BTG4: variants seen among roughly 807,000 people sequenced by gnomAD.
BTG4 encodes protein BTG4.
A neutral mutation model predicts 19.3 loss-of-function variants in BTG4; 10 were observed. The observed-to-expected ratio is 0.52, with a 90% CI of 0.32 to 0.88. The LOEUF (loss-of-function observed/expected upper bound fraction) is 0.88, where lower values mean the gene tolerates loss of function less well. Among genes scored for constraint, BTG4 ranks in the 40% least tolerant of loss-of-function variants. The probability of loss-of-function intolerance (pLI) is 0.04; values close to 1 mark genes in which losing one functional copy is unlikely to be tolerated. For missense variants in BTG4, 238 were observed against 281.9 expected, an observed-to-expected ratio of 0.84 and a Z score of 1.11; for synonymous variants, 91 against 95.7, an observed-to-expected ratio of 0.95 and a Z score of 0.29.
chr11:111,513,592 C>T (rs572462681), upstream of BTG4: 6 of 438,756 alleles, frequency 1.4e-5, no homozygotes, highest in African/African-American at 1.2e-4. Context: ...ATGCTGATTT[C>T]ATCCATTGCC....
At chr11:111,413,857 C>A in the BTG4 span, among the ~76,000 whole-genome samples, 3 of 152,232 alleles carry the variant, frequency 2.0e-5, no homozygotes, top group Non-Finnish European at 4.4e-5. Flanking sequence ...CAGAGCCTTC[C>A]GGGAACATGG....
At chr11:111,404,247 C>T in the BTG4 span, among the ~76,000 whole-genome samples, 2 of 152,182 alleles carry the variant, frequency 1.3e-5, no homozygotes, top group African/African-American at 4.8e-5. Context: ...AACTGTGAGT[C>T]CATTAAACCT....
the BTG4 span, among the ~76,000 whole-genome samples, chr11:111,434,424 C>G: frequency 6.6e-6 from 1 of 152,112 alleles, no homozygotes; most frequent in Non-Finnish European, 1.5e-5. Flanking sequence ...GGAGGGATAG[C>G]GTTGGGAGAA....
upstream of BTG4, chr11:111,513,366 C>T (rs1867088554): frequency 1.3e-5 from 7 of 531,558 alleles, no homozygotes; most frequent in Non-Finnish European, 2.7e-5. Flanking sequence ...AGTTGAGCTC[C>T]AACTCAACCA....
At chr11:111,387,945 T>C in the BTG4 span, among the ~76,000 whole-genome samples, 1 of 152,264 alleles carries the variant, frequency 6.6e-6, no homozygotes, top group East Asian at 1.9e-4. Context: ...TTTGACAGTT[T>C]TGCCTCCATA....
chr11:111,414,206 T>G, the BTG4 span: 1 of 152,240 alleles, frequency 6.6e-6, no homozygotes, highest in Non-Finnish European at 1.5e-5. Flanking sequence ...GTCTTGTATC[T>G]AATTGGCTTC....
At chr11:111,421,187 T>C in the BTG4 span, among the ~76,000 whole-genome samples, 139,993 of 152,072 alleles carry the variant, frequency 0.92, 64,783 homozygotes, top group East Asian at 1. Flanking sequence ...GCACCTCATA[T>C]AGGGCCTCGT....
chr11:111,384,686 GAA>G, the BTG4 span: 1 of 152,140 alleles, frequency 6.6e-6, no homozygotes, highest in Non-Finnish European at 1.5e-5. Flanking sequence ...GCATTCAAAT[GAA>G]AAGAGTGACT....
At chr11:111,392,945 A>G in the BTG4 span, among the ~76,000 whole-genome samples, 2 of 152,206 alleles carry the variant, frequency 1.3e-5, no homozygotes, top group Admixed American at 6.5e-5. Context: ...AGGGATAGCC[A>G]TTCTTGCAAT....
At chr11:111,500,148 T>TA (rs990778681) in intron 1 of BTG4, among the ~76,000 whole-genome samples, 33 of 150,806 alleles carry the variant, frequency 2.2e-4, no homozygotes, top group African/African-American at 7.8e-4. Flanking sequence ...TCTCAAAAAA[T>TA]AAAAATAAAA....
At chr11:111,432,984 G>T in the BTG4 span, among the ~76,000 whole-genome samples, 1 of 151,964 alleles carries the variant, frequency 6.6e-6, no homozygotes, top group East Asian at 1.9e-4. Flanking sequence ...AAGCCACCAT[G>T]CCTGGCCTCA....
At chr11:111,499,123 T>C (rs1460618513) in intron 1 of BTG4, among the ~76,000 whole-genome samples, 1 of 152,200 alleles carries the variant, frequency 6.6e-6, no homozygotes, top group Non-Finnish European at 1.5e-5. Context: ...AGTAATTACC[T>C]CAAGCATCAC....
the BTG4 span, chr11:111,416,441 C>T: frequency 1.3e-5 from 2 of 152,088 alleles, no homozygotes; most frequent in East Asian, 3.9e-4. Flanking sequence ...ATACACACCC[C>T]AGACCTCAGG....
chr11:111,438,924 A>G, the BTG4 span, among the ~76,000 whole-genome samples: 1,165 of 152,300 alleles, frequency 7.6e-3, 19 homozygotes, highest in African/African-American at 0.027. Context: ...CATCCACCAG[A>G]AATCTCTGGC....
chr11:111,476,236 C>CT (rs1864392676), intron 5 of BTG4, among the ~76,000 whole-genome samples: 1 of 151,822 alleles, frequency 6.6e-6, no homozygotes, highest in Admixed American at 6.6e-5. Flanking sequence ...TTAAAGCTTT[C>CT]TTTTTAAAAA....
the BTG4 span, among the ~76,000 whole-genome samples, chr11:111,384,280 T>C: frequency 6.6e-6 from 1 of 152,006 alleles, no homozygotes. Context: ...ATTCTTGCCC[T>C]GTCCTTGTCT....
At chr11:111,483,789 CAGAG>C (rs1387825005) in intron 5 of BTG4, among the ~76,000 whole-genome samples, 4 of 151,972 alleles carry the variant, frequency 2.6e-5, no homozygotes, top group Non-Finnish European at 5.9e-5. Flanking sequence ...CAAAGAGAGA[CAGAG>C]AGAAATATCA....
the BTG4 span, chr11:111,404,772 G>A: frequency 2.4e-6 from 1 of 417,740 alleles, no homozygotes; most frequent in Non-Finnish European, 4.8e-6. Flanking sequence ...AAAACTTGGA[G>A]CTTTGATATA....
At chr11:111,498,487 C>A in intron 2 of BTG4, 117 bp downstream of exon 2, 2 of 875,840 alleles carry the variant, frequency 2.3e-6, no homozygotes, top group Admixed American at 5.5e-5. Context: ...CAAATAAACT[C>A]GAGCCCATAA....
Sources: gnomAD v4.1 joint callset for allele counts (sites outside exome capture counted in the v4.1 genomes callset) on GRCh38, gnomAD v4.1.1 for gene constraint, MANE v1.5 for transcripts, NCBI Gene and HGNC (gene_info 2026-07-23, HGNC 2026-07-21) for gene names.